Variants in GUK1 observed in about 807,000 individuals in gnomAD.
The protein encoded by GUK1 is guanylate kinase.
Under a neutral mutation model 25.2 loss-of-function variants are expected in GUK1, and 18 were observed. The observed-to-expected ratio is 0.71, with a 90% CI of 0.49 to 1.06. The LOEUF is 1.06. GUK1 is among the 50% of genes least tolerant of loss of function. The pLI, the probability that GUK1 is intolerant of heterozygous loss-of-function variation, is 0.00. For synonymous variants in GUK1, 105 were observed against 117.6 expected (o/e 0.89, Z 0.69); for missense variants, 261 against 276.7 (o/e 0.94, Z 0.40).
rs2124949137 is a variant in GUK1, at chr1:228,146,947, T to C, written c.251+9T>C. 2 of 1,589,436 alleles carry C rather than the reference T, an allele frequency of 1.3e-6. No individual in the cohort carries two copies. The highest frequency in any genetic ancestry group is 2.2e-5 in the South Asian group (2 of 90,622). ...AACCTGTATGGCACGAGGTGGGCCA[T>C]GCGTGGGTGTGGGTGGGCTCCCAGG... On this transcript the variant is annotated intron_variant, in intron 5 of 8. Transcript: ENST00000312726.
intron 4 of GUK1, chr1:228,146,456 C>T (rs1043088284): frequency 7.1e-5 from 31 of 433,634 alleles, no homozygotes; most frequent in Middle Eastern, 6.1e-4. Context: ...ACAGCACCCC[C>T]GCCCCTTGCC....
chr1:228,148,174 G>C (rs1476930623), intron 7 of GUK1, 197 bp from the exon 7 acceptor site: 14 of 674,604 alleles, frequency 2.1e-5, no homozygotes, highest in Non-Finnish European at 3.1e-5. Flanking sequence ...GCTCCAGAGA[G>C]AGCAGGAGTG....
intron 7 of GUK1, chr1:228,148,116 C>T (rs891570944): frequency 1.6e-6 from 1 of 606,712 alleles, no homozygotes; most frequent in African/African-American, 1.8e-5. Context: ...TAGTGTAGCC[C>T]CTAACCAGAG....
chr1:228,146,160 G>T, intron 4 of GUK1, 93 bp downstream of exon 3: 4 of 820,876 alleles, frequency 4.9e-6, no homozygotes, highest in Non-Finnish European at 8.3e-6. Context: ...CCCGTCTCCT[G>T]CCCCCATCAA....
chr1:228,146,621 T>G lies in GUK1; in HGVS notation c.155-221T>G. 3 of 569,998 alleles carry G rather than the reference T, an allele frequency of 5.3e-6. No homozygotes were observed. In the East Asian group the frequency reaches 8.8e-5, roughly 17 times the overall value. The allele number at this position is 569,998 out of a possible 1,614,324, so 35.3% of individuals were successfully genotyped here. A position where few individuals can be genotyped will look rare whatever the true frequency, so the allele number is the denominator to read the frequency against. Reference sequence around the variant, plus strand: ...AACTCCCCACTGGAACCCAGCAGTCTCGTATCTCCATCAGTGAGGACAGTG... The same window carrying G: ...AACTCCCCACTGGAACCCAGCAGTCGCGTATCTCCATCAGTGAGGACAGTG... On this transcript the variant is annotated intron_variant, in intron 4 of 8. Transcript: ENST00000312726.
intron 4 of GUK1, chr1:228,146,354 G>A (rs528574780): frequency 9.0e-5 from 47 of 519,392 alleles, no homozygotes; most frequent in East Asian, 8.1e-4. Flanking sequence ...TCCTGGACTC[G>A]GCACTTATCA....
rs1266509207 is a variant in GUK1 at position 228,141,517 on chromosome 1, T to A, written c.-3+229T>A. The A allele has an allele frequency of 1.3e-4, 70 of 545,084 alleles. No individual in the cohort carries two copies. The South Asian group carries it at 3.1e-3, about 24-fold the overall frequency. 33.8% of individuals were successfully genotyped at this position (545,084 alleles called of 1,614,324 possible). A position where few individuals can be genotyped will look rare whatever the true frequency, so the allele number is the denominator to read the frequency against. On this transcript the variant is annotated intron_variant, in intron 2 of 8. Coordinates refer to ENST00000312726, the MANE Select transcript of GUK1 (RefSeq NM_000858.7). ...AGGCCCACGTCTGGTGGTTTGTGTC[T>A]TACGAGAGGCCAGGCGGGGGCTGAA...
At chr1:228,141,988 G>A (rs989850305) in intron 2 of GUK1, among the ~76,000 whole-genome samples, 13 of 152,276 alleles carry the variant, frequency 8.5e-5, no homozygotes, top group Non-Finnish European at 1.5e-4. Flanking sequence ...CAGGGCAAAG[G>A]CTCCGTGGTT....
At chr1:228,147,305 T>G in intron 5 of GUK1, 101 bp from the exon 5 acceptor site, 1 of 1,145,932 alleles carries the variant, frequency 8.7e-7, no homozygotes, top group South Asian at 1.4e-5. Flanking sequence ...GGCTCAGCTG[T>G]GGGAGGAGAA....
intron 4 of GUK1, chr1:228,146,576 C>A: frequency 2.0e-6 from 1 of 506,524 alleles, no homozygotes; most frequent in Non-Finnish European, 3.6e-6. Context: ...CCAGTCCCCA[C>A]CCCATCACCA....
At chr1:228,140,846 A>G (rs967586850) in intron 1 of GUK1, among the ~76,000 whole-genome samples, 9 of 152,216 alleles carry the variant, frequency 5.9e-5, no homozygotes, top group Non-Finnish European at 1.2e-4. Flanking sequence ...GGGAAACAGC[A>G]GGCCTTCCCG....
At chr1:228,141,104 A>C in intron 1 of GUK1, 1 of 983,604 alleles carries the variant, frequency 1.0e-6, no homozygotes. Flanking sequence ...CTTTGGGCTC[A>C]TGGCCCCTTC....
chr1:228,145,167 GTCA>G, intron 2 of GUK1: 1 of 168,608 alleles, frequency 5.9e-6, no homozygotes, highest in Non-Finnish European at 1.3e-5. Context: ...CAGGTAGGGT[GTCA>G]TCAGAGTAGA....
At chr1:228,143,196 TG>T (rs1303516190) in intron 2 of GUK1, among the ~76,000 whole-genome samples, 3 of 152,060 alleles carry the variant, frequency 2.0e-5, no homozygotes, top group Non-Finnish European at 4.4e-5. Flanking sequence ...AGCCAGGGGC[TG>T]GGGGGAACAG....
chr1:228,148,730 A>G lies in GUK1; in HGVS notation c.*33A>G, dbSNP rs373618971. 3.7e-6 allele frequency: 6 copies of G among 1,610,438 alleles called. No individual in the cohort carries two copies. In the Admixed American group the frequency reaches 6.7e-5, roughly 18 times the overall value. The stretch of plus-strand genomic sequence containing the variant: ...TGTCTGTTCTCGGCACCCCGGGCCC[A>G]TACAGGACCAGGGCAGCAGCATTGA... On this transcript the variant is annotated 3_prime_UTR_variant, in exon 9 of 9. Coordinates refer to ENST00000312726, the MANE Select transcript of GUK1 (RefSeq NM_000858.7).
intron 2 of GUK1, chr1:228,145,260 C>A (rs2034301635): frequency 3.1e-6 from 1 of 326,900 alleles, no homozygotes; most frequent in Non-Finnish European, 5.6e-6. Flanking sequence ...GCTGAGAACC[C>A]AGTAAAGCCG....
chr1:228,147,004 C>A (rs1571896064), intron 5 of GUK1, 66 bp downstream of exon 4: 3 of 1,037,694 alleles, frequency 2.9e-6, no homozygotes, highest in Non-Finnish European at 4.6e-6. Context: ...CCAGGTAGTG[C>A]CTGCTGCCTG....
intron 5 of GUK1, 95 bp from the exon 5 acceptor site, chr1:228,147,311 G>T: frequency 8.2e-7 from 1 of 1,212,234 alleles, no homozygotes. Context: ...GCTGTGGGAG[G>T]AGAACGCTGG....
At chr1:228,147,982 A>T (rs2034489205) in intron 7 of GUK1, 1 of 583,202 alleles carries the variant, frequency 1.7e-6, no homozygotes, top group South Asian at 2.1e-5. Context: ...GTCCCATGAG[A>T]TGTCCCCAAC....
Sources: gnomAD v4.1 joint callset for allele counts (sites outside exome capture counted in the v4.1 genomes callset) on GRCh38, gnomAD v4.1.1 for gene constraint, MANE v1.5 for transcripts, NCBI Gene and HGNC (gene_info 2026-07-23, HGNC 2026-07-21) for gene names.